Variants in MDGA2 observed in about 807,000 individuals in gnomAD.
MDGA2 encodes the protein MAM domain containing glycosylphosphatidylinositol anchor 2.
MDGA2 carries 40 observed loss-of-function variants against 117.8 expected under a neutral mutation model. That is an observed-to-expected ratio of 0.34 (90% CI 0.26 to 0.44). The LOEUF is 0.44. Among genes scored for constraint, MDGA2 ranks in the 20% least tolerant of loss-of-function variants. The pLI is 1.00. For synonymous variants in MDGA2, 452 were observed against 439.0 expected, an observed-to-expected ratio of 1.03 and a Z score of -0.37; for missense variants, 1,123 against 1,250.6, an observed-to-expected ratio of 0.90 and a Z score of 1.54.
chr14:47,465,956 G>GGT (rs1555324880), intron 1 of MDGA2, among the ~76,000 whole-genome samples: 1 of 151,808 alleles, frequency 6.6e-6, no homozygotes, highest in African/African-American at 2.4e-5. Flanking sequence ...GATTGTACAA[G>GGT]GTACATATAC....
intron 1 of MDGA2, among the ~76,000 whole-genome samples, chr14:47,445,155 C>T (rs938900019): frequency 6.6e-6 from 1 of 151,978 alleles, no homozygotes; most frequent in Non-Finnish European, 1.5e-5. Flanking sequence ...TCCTGGTTGT[C>T]GCCTCAAGTC....
chr14:47,392,101 C>A (rs1456916908), intron 1 of MDGA2, among the ~76,000 whole-genome samples: 1 of 152,020 alleles, frequency 6.6e-6, no homozygotes, highest in East Asian at 1.9e-4. Flanking sequence ...CTCAGATCTC[C>A]TGAAGAGCGC....
At chr14:46,976,712 C>T (rs1471073440) in intron 8 of MDGA2, among the ~76,000 whole-genome samples, 2 of 151,702 alleles carry the variant, frequency 1.3e-5, no homozygotes, top group African/African-American at 4.8e-5. Context: ...CTGTCAAGAT[C>T]GTTCATTCGT....
chr14:47,641,868 A>G (rs1361330248), intron 1 of MDGA2, among the ~76,000 whole-genome samples: 1 of 152,118 alleles, frequency 6.6e-6, no homozygotes, highest in Non-Finnish European at 1.5e-5. Flanking sequence ...AATTGAACTC[A>G]TTTGATAGGG....
intron 1 of MDGA2, among the ~76,000 whole-genome samples, chr14:47,469,011 T>A (rs1207760413): frequency 6.6e-6 from 1 of 152,156 alleles, no homozygotes; most frequent in Admixed American, 6.5e-5. Context: ...GATTGCTATA[T>A]GCATGATATA....
chr14:47,093,084 G>A (rs1381355332), intron 6 of MDGA2, among the ~76,000 whole-genome samples: 2 of 152,048 alleles, frequency 1.3e-5, no homozygotes, highest in African/African-American at 4.8e-5. Context: ...CTGGGGTTGG[G>A]TTAAGTGGAG....
In MDGA2 at chr14:47,615,552, C is replaced by T. The variant is rs970473694; in HGVS notation, c.280+58965G>A. Among the ~76,000 whole-genome samples the T allele has an allele frequency of 2.6e-5, 4 of 152,036 alleles. No homozygotes were observed. The East Asian group carries it at 7.7e-4, about 29-fold the overall frequency. The stretch of plus-strand genomic sequence containing the variant: ...AAGTAGAATAGTAACTGGGCTTTTC[C>T]AATATCCTAAGCCAGTTCTCAGTGG... On this transcript the variant is annotated intron_variant, in intron 1 of 16. Coordinates refer to ENST00000399232, the MANE Select transcript of MDGA2 (RefSeq NM_001113498.3).
At chr14:47,231,723 A>C (rs1886697363) in intron 2 of MDGA2, among the ~76,000 whole-genome samples, 1 of 150,378 alleles carries the variant, frequency 6.6e-6, no homozygotes, top group Non-Finnish European at 1.5e-5. Flanking sequence ...AAAAATAAGA[A>C]AAAGAAAAAA....
At chr14:47,201,165 C>T (rs958466330) in intron 3 of MDGA2, 2 of 656,820 alleles carry the variant, frequency 3.0e-6, no homozygotes, top group Non-Finnish European at 5.7e-6. Flanking sequence ...GCTAGTTTAC[C>T]TGCTCCATCA....
chr14:47,425,496 T>C (rs1221340003), intron 1 of MDGA2, among the ~76,000 whole-genome samples: 2 of 151,798 alleles, frequency 1.3e-5, no homozygotes, highest in Non-Finnish European at 2.9e-5. Flanking sequence ...TGTCTAGGAG[T>C]AAAGGAAATA....
chr14:47,286,111 A>T (rs928306352), intron 2 of MDGA2, among the ~76,000 whole-genome samples: 2 of 151,996 alleles, frequency 1.3e-5, no homozygotes, highest in Non-Finnish European at 2.9e-5. Flanking sequence ...GATACCTAAT[A>T]CTTTTACGTA....
At chr14:46,873,792 A>C (rs1882112892) in intron 13 of MDGA2, 2 of 578,138 alleles carry the variant, frequency 3.5e-6, no homozygotes, top group East Asian at 3.2e-5. Flanking sequence ...ATTAAAGATA[A>C]AATGTATAAA....
At chr14:46,938,908 A>G (rs1484258794) in intron 9 of MDGA2, among the ~76,000 whole-genome samples, 1 of 152,244 alleles carries the variant, frequency 6.6e-6, no homozygotes, top group African/African-American at 2.4e-5. Flanking sequence ...TAGTATATAT[A>G]CACAATGAAA....
chr14:47,646,600 C>G (rs987842095), intron 1 of MDGA2, among the ~76,000 whole-genome samples: 4 of 152,162 alleles, frequency 2.6e-5, no homozygotes, highest in African/African-American at 9.6e-5. Flanking sequence ...GTGGGGATAA[C>G]AGTAGTGCAT....
chr14:47,574,798 A>C (rs1237209330), intron 1 of MDGA2, among the ~76,000 whole-genome samples: 3 of 152,204 alleles, frequency 2.0e-5, no homozygotes, highest in African/African-American at 7.2e-5. Context: ...AAACTGAGGC[A>C]CTAAAGAGCA....
chr14:47,178,927 G>T (rs190189272), intron 3 of MDGA2, among the ~76,000 whole-genome samples: 8 of 152,226 alleles, frequency 5.3e-5, no homozygotes, highest in Admixed American at 4.6e-4. Context: ...AGGTATAAGA[G>T]AACAAGGTAT....
chr14:47,434,098 T>A (rs947481994), intron 1 of MDGA2, among the ~76,000 whole-genome samples: 7 of 152,102 alleles, frequency 4.6e-5, no homozygotes, highest in African/African-American at 1.7e-4. Context: ...AGACTTTTGG[T>A]GACAAAAATA....
intron 1 of MDGA2, among the ~76,000 whole-genome samples, chr14:47,371,743 T>C (rs1891364067): frequency 6.6e-6 from 1 of 151,738 alleles, no homozygotes; most frequent in Non-Finnish European, 1.5e-5. Flanking sequence ...AACACCAAGA[T>C]AGTTTCTGTA....
intron 2 of MDGA2, among the ~76,000 whole-genome samples, chr14:47,246,323 T>C (rs1887236090): frequency 6.6e-6 from 1 of 151,816 alleles, no homozygotes; most frequent in South Asian, 2.1e-4. Flanking sequence ...CCTGATCTAG[T>C]CATTTCACAC....
Sources: allele counts gnomAD v4.1 joint callset (sites outside exome capture counted in the v4.1 genomes callset), GRCh38; gene constraint gnomAD v4.1.1; transcripts MANE v1.5; gene names NCBI Gene and HGNC (gene_info 2026-07-23, HGNC 2026-07-21).